Variants in SPAG16 observed in about 807,000 individuals in gnomAD.
SPAG16 encodes sperm-associated antigen 16 protein.
SPAG16 carries 86 observed loss-of-function variants against 80.4 expected under a neutral mutation model. The ratio of observed to expected loss-of-function variants is 1.07; its 90% CI spans 0.90 to 1.28. SPAG16 has a LOEUF of 1.28. SPAG16 is among the 50% of genes most tolerant of loss of function. The pLI, the probability that SPAG16 is intolerant of heterozygous loss-of-function variation, is 0.00. For synonymous variants in SPAG16, 294 were observed against 265.9 expected, an observed-to-expected ratio of 1.11 and a Z score of -1.03; for missense variants, 870 against 765.3, an observed-to-expected ratio of 1.14 and a Z score of -1.61.
intron 9 of SPAG16, among the ~76,000 whole-genome samples, chr2:213,393,691 T>C (rs950212083): frequency 1.3e-5 from 2 of 152,090 alleles, no homozygotes; most frequent in Non-Finnish European, 2.9e-5. Context: ...AGTGTCATTT[T>C]TTTTTCAAAC....
chr2:213,565,491 G>A (rs2059730338), intron 10 of SPAG16, among the ~76,000 whole-genome samples: 2 of 152,220 alleles, frequency 1.3e-5, no homozygotes, highest in South Asian at 2.1e-4. Context: ...GAGATTTACA[G>A]ACATCAAAAT....
At chr2:214,040,831 T>G (rs1304152416) in intron 13 of SPAG16, among the ~76,000 whole-genome samples, 3 of 152,176 alleles carry the variant, frequency 2.0e-5, no homozygotes, top group African/African-American at 7.2e-5. Context: ...TTATTACTAA[T>G]CAATTTTCTC....
chr2:213,828,039 A>T (rs2073407125), intron 10 of SPAG16, among the ~76,000 whole-genome samples: 1 of 152,030 alleles, frequency 6.6e-6, no homozygotes, highest in African/African-American at 2.4e-5. Context: ...TTGTTCTTGA[A>T]TATTGGTATT....
At chr2:214,258,455 GTA>G (rs1488623013) in intron 15 of SPAG16, among the ~76,000 whole-genome samples, 1 of 126,940 alleles carries the variant, frequency 7.9e-6, no homozygotes, top group Non-Finnish European at 1.7e-5. Context: ...CACAGTGTGT[GTA>G]TGTATGTGTG....
chr2:213,678,785 G>T (rs555666280), intron 10 of SPAG16, among the ~76,000 whole-genome samples: 1 of 152,272 alleles, frequency 6.6e-6, no homozygotes, highest in East Asian at 1.9e-4. Flanking sequence ...AAGGTTGTAC[G>T]CAGGCAGCAC....
chr2:214,041,836 C>A (rs1381447065), intron 13 of SPAG16, among the ~76,000 whole-genome samples: 1 of 150,684 alleles, frequency 6.6e-6, no homozygotes, highest in Non-Finnish European at 1.5e-5. Flanking sequence ...TTAAACAAAA[C>A]AATAACACCT....
chr2:214,075,510 G>C (rs2051030789), intron 13 of SPAG16, among the ~76,000 whole-genome samples: 3 of 152,132 alleles, frequency 2.0e-5, no homozygotes, highest in Admixed American at 6.5e-5. Flanking sequence ...ATTTTCACTT[G>C]ACATAAACTC....
chr2:213,905,566 T>C (rs1030389190), intron 11 of SPAG16, among the ~76,000 whole-genome samples: 1 of 152,214 alleles, frequency 6.6e-6, no homozygotes, highest in African/African-American at 2.4e-5. Flanking sequence ...AACAGCTGTT[T>C]ATTGGGAGTC....
chr2:213,872,914 T>G (rs6717098), intron 11 of SPAG16, among the ~76,000 whole-genome samples: 90,297 of 151,880 alleles, frequency 0.59, 28,727 homozygotes, highest in South Asian at 0.85. Flanking sequence ...CAACCTTGCA[T>G]TCCTGAAATA....
intron 6 of SPAG16, among the ~76,000 whole-genome samples, chr2:213,340,921 A>G (rs963606497): frequency 2.6e-5 from 4 of 152,156 alleles, no homozygotes; most frequent in Non-Finnish European, 5.9e-5. Flanking sequence ...ACTTTTTGTG[A>G]TGATATAAAT....
intron 9 of SPAG16, among the ~76,000 whole-genome samples, chr2:213,386,601 A>G (rs1405672597): frequency 3.3e-5 from 5 of 152,214 alleles, no homozygotes; most frequent in South Asian, 2.1e-4. Context: ...CCAGTTGGGT[A>G]TCTAGCTTGT....
chr2:214,155,110 C>A (rs6755912), intron 15 of SPAG16, among the ~76,000 whole-genome samples: 37,373 of 151,952 alleles, frequency 0.25, 5,409 homozygotes, highest in African/African-American at 0.39. Flanking sequence ...CTTGAGTTTG[C>A]AGGGCAGGGT....
At chr2:214,150,218 A>C (rs2055909274) in intron 15 of SPAG16, among the ~76,000 whole-genome samples, 1 of 152,098 alleles carries the variant, frequency 6.6e-6, no homozygotes, top group Non-Finnish European at 1.5e-5. Context: ...TTCTAGAGCC[A>C]GAAGATAATT....
At chr2:214,142,421 T>G (rs143621172) in intron 14 of SPAG16, among the ~76,000 whole-genome samples, 1 of 152,316 alleles carries the variant, frequency 6.6e-6, no homozygotes, top group Admixed American at 6.5e-5. Flanking sequence ...TAGCTTTAGA[T>G]CTCCTTGCAT....
chr2:214,403,196 T>C (rs150816619), intron 15 of SPAG16, among the ~76,000 whole-genome samples: 117 of 151,892 alleles, frequency 7.7e-4, no homozygotes, highest in Non-Finnish European at 1.4e-3. Flanking sequence ...TTCCCTCTTC[T>C]GTAAAGCAGA....
At chr2:214,212,511 G>T (rs79876603) in intron 15 of SPAG16, among the ~76,000 whole-genome samples, 2 of 152,074 alleles carry the variant, frequency 1.3e-5, no homozygotes, top group Non-Finnish European at 2.9e-5. Flanking sequence ...CTCTTGTGAA[G>T]TGAAGGCTTC....
chr2:213,320,430 C>T lies in SPAG16; in HGVS notation c.536+3074C>T, dbSNP rs149254811. Reference sequence around the variant, plus strand: ...TGTGTTGGGAACATTTCAAATCTAACTATTTTGAAATAGATGATAAATTAT... The same window carrying T: ...TGTGTTGGGAACATTTCAAATCTAATTATTTTGAAATAGATGATAAATTAT... On this transcript the variant is annotated intron_variant, in intron 5 of 15. Transcript: ENST00000331683. 4.5e-3 allele frequency among the ~76,000 whole-genome samples: 686 copies of T among 152,036 alleles called. 4 individuals carry two copies. The highest frequency in any genetic ancestry group is 0.015 in the African/African-American group (628 of 41,534).
At chr2:213,773,139 C>A (rs2069359811) in intron 10 of SPAG16, among the ~76,000 whole-genome samples, 1 of 151,868 alleles carries the variant, frequency 6.6e-6, no homozygotes, top group Non-Finnish European at 1.5e-5. Context: ...TTCTTTTTAT[C>A]ATTTTTTTAA....
At chr2:213,467,500 G>C (rs931987126) in intron 9 of SPAG16, among the ~76,000 whole-genome samples, 2 of 152,144 alleles carry the variant, frequency 1.3e-5, no homozygotes, top group Non-Finnish European at 2.9e-5. Context: ...TGAGTGGTTG[G>C]GAAAAATATC....
Sources: gnomAD v4.1 joint callset for allele counts (sites outside exome capture counted in the v4.1 genomes callset) on GRCh38, gnomAD v4.1.1 for gene constraint, MANE v1.5 for transcripts, NCBI Gene and HGNC (gene_info 2026-07-23, HGNC 2026-07-21) for gene names.